Variants in WASHC2C observed in about 807,000 individuals in gnomAD.
WASHC2C encodes Vaccinia Penetration Factor.
A neutral mutation model predicts 142.2 loss-of-function variants in WASHC2C; 73 were observed. The observed-to-expected ratio is 0.51, with a 90% CI of 0.43 to 0.62. The LOEUF (loss-of-function observed/expected upper bound fraction) is 0.62. WASHC2C is among the 20% of genes least tolerant of loss of function. WASHC2C has a pLI of 0.00. For synonymous variants in WASHC2C, 337 were observed against 565.5 expected (o/e 0.60, Z 5.73); for missense variants, 969 against 1,531.7 (o/e 0.63, Z 6.13).
rs1376651314 is a variant in WASHC2C, at chr10:45,785,625, A to C, written c.2805A>C (p.Thr935=). The change falls in exon 26 of 31, where the codon ACA becomes ACC. Residue 935 remains threonine, a synonymous_variant. Transcript: ENST00000623400. ...AAAAAGGCATATGGAAGCCGGAAAC[A>C]CCTCAGGTTAGAAATCCTCTTTAAG... ...SKEKGIWKPE[T]PQDSSGLAPF... 1.5e-5 allele frequency: 25 copies of C among 1,613,538 alleles called. No individual in the cohort carries two copies. The highest frequency in any genetic ancestry group is 4.0e-5 in the African/African-American group (3 of 74,886).
chr10:45,791,548 CTCCT>C lies in WASHC2C; in HGVS notation c.3887-707_3887-704del, dbSNP rs1293906945. On this transcript the variant is annotated intron_variant, in intron 30 of 30. Transcript: ENST00000623400. ...TCTTTTCATGTCAGTACGCAGAGAT[CTCCT>C]TCCTTGTTTTCAGTGCTGTGCACGA... Among the ~76,000 whole-genome samples, 17 of 145,996 alleles carry C rather than the reference CTCCT, an allele frequency of 1.2e-4. 2 individuals carry two copies. The highest frequency in any genetic ancestry group is 4.0e-4 in the African/African-American group (16 of 40,060).
At position 45,785,591 on chromosome 10, in the gene WASHC2C, G is replaced by A. The variant is rs1564824533; in HGVS notation, c.2771G>A (p.Gly924Asp). 3.7e-6 allele frequency: 6 copies of A among 1,613,862 alleles called. No individual in the cohort carries two copies. In the East Asian group the frequency reaches 6.7e-5, roughly 18 times the overall value. The change falls in exon 26 of 31, where the codon GGT becomes GAT. Residue 924 changes from glycine to aspartate, a missense_variant. Transcript: ENST00000623400. Reference protein sequence around the residue: ...KNQKHPESIQGSKEKGIWKPE... With the variant: ...KNQKHPESIQDSKEKGIWKPE... Reference sequence around the variant, plus strand: ...CAGAAACATCCTGAATCCATTCAAGGTAGTAAAGAAAAAGGCATATGGAAG... The same window carrying A: ...CAGAAACATCCTGAATCCATTCAAGATAGTAAAGAAAAAGGCATATGGAAG...
At chr10:45,731,484 C>A (rs2050572620) in intron 3 of WASHC2C, among the ~76,000 whole-genome samples, 1 of 145,372 alleles carries the variant, frequency 6.9e-6, no homozygotes, top group Non-Finnish European at 1.5e-5. Context: ...GCAACCTCCG[C>A]CTCCCGGGTT....
intron 18 of WASHC2C, among the ~76,000 whole-genome samples, chr10:45,764,074 G>C (rs1349011056): frequency 6.6e-6 from 1 of 150,948 alleles, no homozygotes; most frequent in African/African-American, 2.4e-5. Flanking sequence ...AAATACAATT[G>C]ACCCTTTAAC....
intron 17 of WASHC2C, among the ~76,000 whole-genome samples, chr10:45,761,414 G>A (rs1175817848): frequency 6.6e-6 from 1 of 152,158 alleles, no homozygotes; most frequent in Non-Finnish European, 1.5e-5. Context: ...CCAGGTTTAT[G>A]GGGAGAGGCC....
intron 3 of WASHC2C, among the ~76,000 whole-genome samples, chr10:45,735,055 CCTCTGCTGTTTGTTTTGTTT>C (rs2051051718): frequency 6.6e-6 from 1 of 150,688 alleles, no homozygotes; most frequent in Non-Finnish European, 1.5e-5. Context: ...CTGTTTCTGC[CCTCTGCTGTTTGTTTTGTTT>C]CTCTGCTGTT....
chr10:45,754,401 G>A (rs2338328), intron 13 of WASHC2C, 85 bp from the exon 14 acceptor site: 2 of 1,547,002 alleles, frequency 1.3e-6, no homozygotes, highest in Non-Finnish European at 1.8e-6. Context: ...CTAGCTGTGT[G>A]TTACATTGCA....
chr10:45,743,179 A>T (rs1444190199), intron 5 of WASHC2C, among the ~76,000 whole-genome samples: 1 of 151,870 alleles, frequency 6.6e-6, no homozygotes, highest in Non-Finnish European at 1.5e-5. Flanking sequence ...GCCCGGCCTT[A>T]CCTTGACATC....
At chr10:45,790,953 G>A (rs1370672116) in intron 30 of WASHC2C, among the ~76,000 whole-genome samples, 3 of 152,164 alleles carry the variant, frequency 2.0e-5, no homozygotes, top group Non-Finnish European at 2.9e-5. Context: ...GGTTCTGTGC[G>A]AGAAGAGAGC....
chr10:45,727,475 G>T lies in WASHC2C; in HGVS notation c.62G>T (p.Arg21Leu). The stretch of plus-strand genomic sequence containing the variant: ...CCGGCGTCGGAGCCCGTGTGGGAGC[G>T]GCCGTGGTCGGTGGAGGAGATCCGC... ...LVPASEPVWERPWSVEEIRRS... is the reference protein window; with the variant it reads ...LVPASEPVWELPWSVEEIRRS... Residue 21 changes from arginine (R) to leucine (L), a missense_variant, in exon 2 of 31, where the codon CGG (arginine) becomes CTG (leucine). Arg to Leu is a moderately radical substitution (Grantham distance 102). Transcript: ENST00000623400. 6.2e-7 allele frequency: 1 copy of T among 1,608,944 alleles called. No homozygotes were observed. Among genetic ancestry groups the T allele is most frequent in the Non-Finnish European group, 8.5e-7 (1 of 1,178,730 alleles).
In WASHC2C at chr10:45,765,703, G is replaced by C. The variant is rs1452468829; in HGVS notation, c.1762G>C (p.Ala588Pro). 4.0e-5 allele frequency: 65 copies of C among 1,611,832 alleles called. No homozygotes were observed. The highest frequency in any genetic ancestry group is 5.4e-5 in the Non-Finnish European group (64 of 1,179,864). ...GGATAATCTTTTTGGGGGTACAGCT[G>C]CTAAGAAGCAGACATTGTCTCTACA... ...EEDNLFGGTA[A>P]KKQTLSLQAQ... Residue 588 changes from alanine to proline, a missense_variant, in exon 19 of 31, where the codon GCT becomes CCT. Physicochemically the swap from Ala to Pro is conservative, Grantham distance 27. Transcript: ENST00000623400.
intron 17 of WASHC2C, among the ~76,000 whole-genome samples, chr10:45,761,872 A>G (rs2055138478): frequency 6.6e-6 from 1 of 152,218 alleles, no homozygotes; most frequent in Non-Finnish European, 1.5e-5. Context: ...GATGCCTGGA[A>G]TCCCCCACGT....
Position 45,784,643 on chromosome 10 carries a change from A to G in WASHC2C, c.2557A>G (p.Lys853Glu), listed in dbSNP as rs1554889279. Residue 853 changes from lysine to glutamate, a missense_variant, in exon 24 of 31, where the codon AAG (lysine) becomes GAG (glutamate). Lys to Glu is a moderately conservative substitution (Grantham distance 56, BLOSUM62 1). Coordinates refer to ENST00000623400, the MANE Select transcript of WASHC2C (RefSeq NM_001330074.2). ...EELLFSHKLQKDNDPDVDLFA... is the reference protein window; with the variant it reads ...EELLFSHKLQEDNDPDVDLFA... ...GCTGCTTTTCAGCCACAAGCTCCAA[A>G]AGGACAATGACCCAGATGTTGACCT... The G allele has an allele frequency of 1.2e-5, 20 of 1,609,486 alleles. No homozygotes were observed. The South Asian group carries it at 2.2e-4, about 18-fold the overall frequency.
chr10:45,742,490 AT>A (rs1265146474), intron 5 of WASHC2C, among the ~76,000 whole-genome samples: 3 of 151,578 alleles, frequency 2.0e-5, no homozygotes, highest in East Asian at 1.9e-4. Flanking sequence ...AATTTTTAGT[AT>A]TTTCGGTAGA....
chr10:45,761,493 G>C (rs2055079012), intron 17 of WASHC2C, among the ~76,000 whole-genome samples: 1 of 152,220 alleles, frequency 6.6e-6, no homozygotes, highest in African/African-American at 2.4e-5. Flanking sequence ...CCTACCAAAG[G>C]CTTTGCCCCA....
At chr10:45,761,499 C>A (rs2055079847) in intron 17 of WASHC2C, among the ~76,000 whole-genome samples, 1 of 152,160 alleles carries the variant, frequency 6.6e-6, no homozygotes, top group Non-Finnish European at 1.5e-5. Context: ...AAAGGCTTTG[C>A]CCCATGTGTG....
At chr10:45,750,948 A>G (rs1589699045) in intron 10 of WASHC2C, 110 bp downstream of exon 10, 2 of 832,104 alleles carry the variant, frequency 2.4e-6, no homozygotes, top group Admixed American at 2.9e-5. Flanking sequence ...ACATATATTT[A>G]TTAGTAATTG....
intron 8 of WASHC2C, among the ~76,000 whole-genome samples, chr10:45,749,719 G>A (rs1462831850): frequency 4.7e-5 from 7 of 149,162 alleles, no homozygotes; most frequent in African/African-American, 1.5e-4. Context: ...CCAGCTACTC[G>A]GAAGGCCGAG....
chr10:45,751,809 CT>C (rs1421460414), intron 11 of WASHC2C, among the ~76,000 whole-genome samples: 5 of 152,046 alleles, frequency 3.3e-5, no homozygotes, highest in African/African-American at 1.2e-4. Flanking sequence ...AACCCCATTT[CT>C]ACTAAAAATA....
Sources: allele counts gnomAD v4.1 joint callset (sites outside exome capture counted in the v4.1 genomes callset), GRCh38; gene constraint gnomAD v4.1.1; transcripts MANE v1.5; gene names NCBI Gene and HGNC (gene_info 2026-07-23, HGNC 2026-07-21).